The following ZFHX4 variants were observed in gnomAD, a reference collection of about 807,000 sequenced individuals.
ZFHX4 encodes the protein zinc finger homeobox 4, also known as zinc finger homeobox protein 4.
ZFHX4 carries 56 observed loss-of-function variants against 267.6 expected under a neutral mutation model. The ratio of observed to expected loss-of-function variants is 0.21; its 90% CI spans 0.17 to 0.26. The LOEUF is 0.26. Ranked by LOEUF, ZFHX4 falls within the 10% of genes least tolerant of loss-of-function variation. The pLI is 1.00. For missense variants in ZFHX4, 4,332 were observed against 4,420.0 expected (o/e 0.98, Z 0.56); for synonymous variants, 1,778 against 1,665.6 (o/e 1.07, Z -1.64).
chr8:76,833,458 T>C, intron 5 of ZFHX4, 52 bp downstream of exon 5: 1 of 1,370,078 alleles, frequency 7.3e-7, no homozygotes, highest in South Asian at 1.2e-5. Flanking sequence ...AATGAGTTGC[T>C]TTTGTTACTC....
At chr8:76,799,373 G>T (rs556072570) in intron 4 of ZFHX4, among the ~76,000 whole-genome samples, 33 of 152,298 alleles carry the variant, frequency 2.2e-4, no homozygotes, top group African/African-American at 7.5e-4. Context: ...CAAAAATGGA[G>T]TCAGCCAAAC....
intron 10 of ZFHX4, among the ~76,000 whole-genome samples, chr8:76,862,548 A>G (rs1035255700): frequency 6.6e-6 from 1 of 152,144 alleles, no homozygotes; most frequent in Non-Finnish European, 1.5e-5. Context: ...ATTGCTATTT[A>G]ATTAGCTTAT....
rs182705444 is a variant in ZFHX4 at position 76,802,086 on chromosome 8, T to C, written c.3325+23647T>C. The stretch of plus-strand genomic sequence containing the variant: ...CTTGAGGGATTCTCAGATTTAGGCA[T>C]GCATAGAATCGCGAATGAGATAATC... On this transcript the variant is annotated intron_variant, in intron 4 of 10. Transcript: ENST00000651372. Among the ~76,000 whole-genome samples the C allele has an allele frequency of 2.0e-5, 3 of 152,290 alleles. No individual in the cohort carries two copies. The East Asian group carries it at 5.8e-4, about 29-fold the overall frequency.
intron 3 of ZFHX4, among the ~76,000 whole-genome samples, chr8:76,709,140 G>A (rs920294098): frequency 6.6e-6 from 1 of 152,036 alleles, no homozygotes. Context: ...GGTTGAGGCC[G>A]TTTAGATTAG....
At chr8:76,692,103 C>A (rs1807840572) in intron 1 of ZFHX4, among the ~76,000 whole-genome samples, 1 of 151,970 alleles carries the variant, frequency 6.6e-6, no homozygotes, top group African/African-American at 2.4e-5. Context: ...CTGGTTTGGT[C>A]CTAAGGGGCT....
chr8:76,727,428 A>T (rs1288692900), intron 3 of ZFHX4, among the ~76,000 whole-genome samples: 2 of 152,152 alleles, frequency 1.3e-5, no homozygotes, highest in South Asian at 4.1e-4. Context: ...GAGAACCTTT[A>T]TCCAGATTTA....
intron 4 of ZFHX4, among the ~76,000 whole-genome samples, chr8:76,790,438 A>G (rs1205570685): frequency 1.3e-5 from 2 of 152,132 alleles, no homozygotes; most frequent in Non-Finnish European, 2.9e-5. Flanking sequence ...ATAATGAATT[A>G]TTACTAAAAG....
At chr8:76,814,883 G>A (rs1418105279) in intron 4 of ZFHX4, among the ~76,000 whole-genome samples, 1 of 152,118 alleles carries the variant, frequency 6.6e-6, no homozygotes, top group Non-Finnish European at 1.5e-5. Context: ...AGTCACCTTT[G>A]TGCTTCTGTT....
chr8:76,828,437 G>A (rs1234071413), intron 4 of ZFHX4, among the ~76,000 whole-genome samples: 2 of 152,154 alleles, frequency 1.3e-5, no homozygotes, highest in Non-Finnish European at 2.9e-5. Context: ...AAGTTAAACT[G>A]TCTGAGCTTT....
intron 5 of ZFHX4, among the ~76,000 whole-genome samples, chr8:76,833,862 A>G (rs994977344): frequency 2.0e-5 from 3 of 152,292 alleles, no homozygotes; most frequent in Admixed American, 2.0e-4. Flanking sequence ...TCACTTCTCT[A>G]TAAATCTTCT....
At chr8:76,718,715 T>C (rs76550426) in intron 3 of ZFHX4, among the ~76,000 whole-genome samples, 6,862 of 152,232 alleles carry the variant, frequency 0.045, 505 homozygotes, top group African/African-American at 0.15. Flanking sequence ...AGCTACTCTC[T>C]TTAAGTCACA....
intron 4 of ZFHX4, among the ~76,000 whole-genome samples, chr8:76,813,894 T>C (rs1585972140): frequency 6.6e-6 from 1 of 152,190 alleles, no homozygotes; most frequent in Non-Finnish European, 1.5e-5. Context: ...GTTTAAAAAA[T>C]TAGATTCCTT....
intron 4 of ZFHX4, among the ~76,000 whole-genome samples, chr8:76,789,439 G>A (rs749040927): frequency 1.3e-5 from 2 of 152,152 alleles, no homozygotes; most frequent in Non-Finnish European, 2.9e-5. Context: ...ATCACGGTAG[G>A]CAATTGTTTT....
chr8:76,825,351 G>T (rs942909675), intron 4 of ZFHX4, among the ~76,000 whole-genome samples: 1 of 152,224 alleles, frequency 6.6e-6, no homozygotes, highest in Non-Finnish European at 1.5e-5. Flanking sequence ...AACTTGGAGA[G>T]TATCAAATAG....
intron 1 of ZFHX4, among the ~76,000 whole-genome samples, chr8:76,688,224 G>A (rs1807740448): frequency 6.6e-6 from 1 of 152,108 alleles, no homozygotes; most frequent in African/African-American, 2.4e-5. Flanking sequence ...ATAGTATGGT[G>A]TGGATATTTA....
Position 76,852,538 on chromosome 8 carries a change from A to G in ZFHX4, c.5617A>G (p.Ile1873Val). 1 of 1,610,200 alleles carries G rather than the reference A, an allele frequency of 6.2e-7. No homozygotes were observed. Residue 1873 changes from isoleucine (I) to valine (V), a missense_variant, in exon 10 of 11, where the codon ATA becomes GTA. Transcript: ENST00000651372. ...GCCAGAAAAACCAAAGCAGGAATTT[A>G]TAAGTGAAGGTGAAGGACTCAAAGA... ...EKPEKPKQEF[I>V]SEGEGLKEGK...
intron 4 of ZFHX4, among the ~76,000 whole-genome samples, chr8:76,779,948 A>G (rs180746490): frequency 1.4e-3 from 217 of 152,274 alleles, no homozygotes; most frequent in Non-Finnish European, 1.4e-3. Flanking sequence ...TGCTTGGATA[A>G]GAATATTTTT....
chr8:76,833,527 C>G (rs1811993540), intron 5 of ZFHX4, 121 bp downstream of exon 5: 1 of 684,354 alleles, frequency 1.5e-6, no homozygotes, highest in Admixed American at 3.1e-5. Flanking sequence ...GATCATATGC[C>G]TTATTCAAAT....
intron 4 of ZFHX4, among the ~76,000 whole-genome samples, chr8:76,805,458 T>G (rs1003837017): frequency 3.9e-5 from 6 of 152,124 alleles, no homozygotes; most frequent in African/African-American, 1.4e-4. Flanking sequence ...TTTCAATCTA[T>G]TACATTTACT....
Sources: allele counts gnomAD v4.1 joint callset (sites outside exome capture counted in the v4.1 genomes callset), GRCh38; gene constraint gnomAD v4.1.1; transcripts MANE v1.5; gene names NCBI Gene and HGNC (gene_info 2026-07-23, HGNC 2026-07-21).